Variants in DIXDC1 observed in about 807,000 individuals in gnomAD.
DIXDC1 encodes the protein dixin.
DIXDC1 carries 64 observed loss-of-function variants against 103.1 expected under a neutral mutation model. The observed-to-expected ratio is 0.62, with a 90% confidence interval of 0.51 to 0.76. The LOEUF (loss-of-function observed/expected upper bound fraction) is 0.76. Ranked by LOEUF, DIXDC1 falls within the 30% of genes least tolerant of loss-of-function variation. The pLI is 0.00. For synonymous variants in DIXDC1, 266 were observed against 298.5 expected (o/e 0.89, Z 1.12); for missense variants, 759 against 834.2 (o/e 0.91, Z 1.11).
rs145450365 is a variant in DIXDC1, at chr11:111,930,658, G to A, written c.57+748G>A. On this transcript the variant is annotated intron_variant, in intron 2 of 5. Transcript: ENST00000529225. The stretch of plus-strand genomic sequence containing the variant: ...TCTCTGTTGTTGGACTTTTAGGTTC[G>A]CTCACCCCTGCCCCCCACATTGTAA... Among the ~76,000 whole-genome samples, 76 of 151,988 alleles carry A rather than the reference G, an allele frequency of 5.0e-4. No individual in the cohort carries two copies. In the East Asian group the frequency reaches 0.013, roughly 26 times the overall value.
At chr11:111,955,833 C>CAAAAAAA (rs781822030) in intron 1 of DIXDC1, among the ~76,000 whole-genome samples, 1 of 17,672 alleles carries the variant, frequency 5.7e-5, no homozygotes, top group African/African-American at 1.4e-4. Context: ...GACTCTAGCT[C>CAAAAAAA]AAAAAAAAAA....
At chr11:111,989,310 G>T (rs1860611261) in intron 10 of DIXDC1, among the ~76,000 whole-genome samples, 1 of 152,170 alleles carries the variant, frequency 6.6e-6, no homozygotes, top group South Asian at 2.1e-4. Flanking sequence ...ATATGTAAAA[G>T]AATCCTCTTC....
chr11:111,938,901 C>A (rs587722419), intron 1 of DIXDC1, among the ~76,000 whole-genome samples: 1 of 152,376 alleles, frequency 6.6e-6, no homozygotes, highest in East Asian at 1.9e-4. Context: ...CTCATCTTTG[C>A]ATCCTTCCTG....
chr11:111,992,944 C>A lies in DIXDC1; in HGVS notation c.1219-7C>A. ...TGCGTGCCATGAATTCTTTCTTATT[C>A]TTGCAGGTGGATCTGCAGAGGAAGC... On this transcript the variant is annotated splice_region_variant and splice_polypyrimidine_tract_variant and intron_variant, in intron 11 of 19. Transcript: ENST00000440460. 1 of 1,605,180 alleles carries A rather than the reference C, an allele frequency of 6.2e-7. No homozygotes were observed. The highest frequency in any genetic ancestry group is 8.5e-7 in the Non-Finnish European group (1 of 1,175,952).
intron 1 of DIXDC1, among the ~76,000 whole-genome samples, chr11:111,949,137 A>G (rs1160254538): frequency 6.6e-6 from 1 of 152,202 alleles, no homozygotes; most frequent in Non-Finnish European, 1.5e-5. Flanking sequence ...GCTTAGCACA[A>G]TACCTGGCAT....
chr11:111,974,352 C>A, intron 4 of DIXDC1, 98 bp downstream of exon 4: 1 of 1,185,018 alleles, frequency 8.4e-7, no homozygotes, highest in Non-Finnish European at 1.2e-6. Flanking sequence ...ACCCAAACAG[C>A]CCCAGATTGC....
chr11:112,019,347 T>C lies in DIXDC1; in HGVS notation c.*311T>C. On this transcript the variant is annotated 3_prime_UTR_variant, in exon 20 of 20. Transcript: ENST00000440460. Reference sequence around the variant, plus strand: ...ATGGGGATGGATGATCCCGCCTCTGTAGGGGCATGGCTGCTATTATCTGGA... The same window carrying C: ...ATGGGGATGGATGATCCCGCCTCTGCAGGGGCATGGCTGCTATTATCTGGA... The C allele has an allele frequency of 5.1e-6, 1 of 195,066 alleles. No individual in the cohort carries two copies. The highest frequency in any genetic ancestry group is 1.1e-5 in the Non-Finnish European group (1 of 94,730). 12.1% of individuals were successfully genotyped at this position (195,066 alleles called of 1,614,324 possible).
At chr11:112,013,645 A>G (rs1250080312) in intron 17 of DIXDC1, among the ~76,000 whole-genome samples, 4 of 152,082 alleles carry the variant, frequency 2.6e-5, no homozygotes, top group African/African-American at 9.7e-5. Flanking sequence ...CCTATGTTCA[A>G]CTATATCCCT....
chr11:111,990,796 T>A (rs368558472), intron 10 of DIXDC1, among the ~76,000 whole-genome samples: 1 of 152,230 alleles, frequency 6.6e-6, no homozygotes. Flanking sequence ...AACCTCCACC[T>A]CCCGAGTTCA....
intron 17 of DIXDC1, among the ~76,000 whole-genome samples, chr11:112,013,984 A>C (rs1861510122): frequency 6.6e-6 from 1 of 152,174 alleles, no homozygotes; most frequent in Non-Finnish European, 1.5e-5. Context: ...GGGAGGTGCC[A>C]GGCTCTTTTT....
chr11:111,974,759 G>T (rs1860043791), intron 4 of DIXDC1, 117 bp from the exon 5 acceptor site: 2 of 1,488,722 alleles, frequency 1.3e-6, no homozygotes, highest in Admixed American at 2.3e-5. Context: ...TGAGGCAGGG[G>T]TTTTGTCTTA....
rs1320143258 is a variant in DIXDC1 at position 111,977,946 on chromosome 11, C to T, written c.657-2791C>T. ...GACCAGGGGTTATCACTATAAAATA[C>T]GGTGGGCGTAGGAAGTGGAGCCAGC... On this transcript the variant is annotated intron_variant, in intron 5 of 19. Coordinates refer to ENST00000440460, the MANE Select transcript of DIXDC1 (RefSeq NM_001037954.4). This position sits in a 1 kb window ranked among gnomAD's most constrained non-coding sequence, Gnocchi z 6.1. Among the ~76,000 whole-genome samples, 1 of 151,974 alleles carries T rather than the reference C, an allele frequency of 6.6e-6. No homozygotes were observed. Among genetic ancestry groups the T allele is most frequent in the East Asian group, 1.9e-4 (1 of 5,184 alleles).
At chr11:111,964,516 C>A (rs1484406871) in intron 1 of DIXDC1, 33 bp from the exon 2 acceptor site, 1 of 1,564,656 alleles carries the variant, frequency 6.4e-7, no homozygotes, top group South Asian at 1.2e-5. Flanking sequence ...TTAATATGCT[C>A]TCTTTCCCTT....
upstream of DIXDC1, chr11:111,937,218 G>A: frequency 5.2e-6 from 6 of 1,143,112 alleles, no homozygotes; most frequent in Middle Eastern, 3.6e-4. Flanking sequence ...CAGGAAAGCG[G>A]GGCTGGGGGC....
intron 6 of DIXDC1, among the ~76,000 whole-genome samples, chr11:111,981,367 A>T (rs951318148): frequency 6.6e-6 from 1 of 152,206 alleles, no homozygotes; most frequent in Non-Finnish European, 1.5e-5. Flanking sequence ...TTTTTCTTAC[A>T]TAGAGAGAAA....
At position 112,021,858 on chromosome 11, in the gene DIXDC1, G is replaced by T. The variant is rs587751488; in HGVS notation, c.*2822G>T. Reference sequence around the variant, plus strand: ...TAGCTGGGGATGGTGGCACACACCTGTAGTCCCAGCTACTCAGGAGGTTGA... The same window carrying T: ...TAGCTGGGGATGGTGGCACACACCTTTAGTCCCAGCTACTCAGGAGGTTGA... On this transcript the variant is annotated 3_prime_UTR_variant, in exon 20 of 20. Transcript: ENST00000440460. 1.3e-5 allele frequency: 2 copies of T among 151,798 alleles called. No individual in the cohort carries two copies. The highest frequency in any genetic ancestry group is 2.9e-5 in the Non-Finnish European group (2 of 68,004). The allele number at this position is 151,798 out of a possible 1,614,324, so 9.4% of individuals were successfully genotyped here.
upstream of DIXDC1, among the ~76,000 whole-genome samples, chr11:111,932,950 ATTTAATGGATG>A (rs1966078313): frequency 6.6e-6 from 1 of 152,236 alleles, no homozygotes; most frequent in Admixed American, 6.5e-5. Context: ...CTCAGTATCT[ATTTAATGGATG>A]TTTAATGAAA....
intron 17 of DIXDC1, among the ~76,000 whole-genome samples, chr11:112,009,027 T>C (rs1425115989): frequency 2.0e-5 from 3 of 152,146 alleles, no homozygotes; most frequent in East Asian, 1.9e-4. Context: ...AGCTGGTTTT[T>C]TGAAGGGATC....
chr11:111,994,849 AG>A (rs1316235827), intron 14 of DIXDC1, among the ~76,000 whole-genome samples, 169 bp from the exon 15 acceptor site: 2 of 152,174 alleles, frequency 1.3e-5, no homozygotes, highest in Admixed American at 1.3e-4. Flanking sequence ...AGTGACCAAA[AG>A]GGGAAAAAAA....
Sources: gnomAD v4.1 joint callset for allele counts (sites outside exome capture counted in the v4.1 genomes callset) on GRCh38, gnomAD v4.1.1 for gene constraint, Gnocchi (gnomAD v3.1) non-coding constraint, MANE v1.5 for transcripts, NCBI Gene and HGNC (gene_info 2026-07-23, HGNC 2026-07-21) for gene names.